Variants in UCHL5 observed in about 807,000 individuals in gnomAD.
UCHL5 encodes ubiquitin carboxyl-terminal hydrolase isozyme L5.
In UCHL5, 34 loss-of-function variants were observed where a neutral mutation model predicts 53.8. That is an observed-to-expected ratio of 0.63 (90% CI 0.48 to 0.84). The LOEUF (loss-of-function observed/expected upper bound fraction) is 0.84, where lower values mean the gene tolerates loss of function less well. Among genes scored for constraint, UCHL5 ranks in the 40% least tolerant of loss-of-function variants. The pLI is 0.00. For synonymous variants in UCHL5, 111 were observed against 126.3 expected (o/e 0.88, Z 0.81); for missense variants, 290 against 385.6 (o/e 0.75, Z 2.08).
At chr1:193,035,049 T>G (rs1003259242) in intron 3 of UCHL5, among the ~76,000 whole-genome samples, 1 of 151,176 alleles carries the variant, frequency 6.6e-6, no homozygotes, top group African/African-American at 2.4e-5. Context: ...ACAAGAAAAA[T>G]AAATTAGAGT....
intron 10 of UCHL5, among the ~76,000 whole-genome samples, chr1:193,016,686 A>G (rs893759856): frequency 3.3e-5 from 5 of 151,864 alleles, no homozygotes; most frequent in African/African-American, 1.2e-4. Flanking sequence ...CATAAAGTCA[A>G]ACTCATTCAT....
chr1:193,046,028 T>C (rs1246707980), intron 3 of UCHL5, among the ~76,000 whole-genome samples: 2 of 152,096 alleles, frequency 1.3e-5, no homozygotes, highest in African/African-American at 2.4e-5. Flanking sequence ...AAATGGACTA[T>C]TTGGATTTTT....
chr1:193,019,835 A>T (rs999183848), intron 10 of UCHL5: 105 of 945,794 alleles, frequency 1.1e-4, no homozygotes, highest in Non-Finnish European at 1.2e-4. Context: ...CAAAATTTAT[A>T]CATTTAATAT....
rs760499502 is a variant in UCHL5 at position 193,015,940 on chromosome 1, ATAC to A, written c.*408_*410del. 1.9e-4 allele frequency: 31 copies of A among 161,390 alleles called. No individual in the cohort carries two copies. Among genetic ancestry groups the A allele is most frequent in the Non-Finnish European group, 2.3e-4 (17 of 74,338 alleles). 10.0% of individuals were successfully genotyped at this position (161,390 alleles called of 1,614,324 possible). Reference sequence around the variant, plus strand: ...AAACACTTAGATATCAAAGATAGAAATACTGATTTTTTTTCCGTTAATGATGAG... The same window carrying A: ...AAACACTTAGATATCAAAGATAGAAATGATTTTTTTTCCGTTAATGATGAG... On this transcript the variant is annotated 3_prime_UTR_variant, in exon 11 of 11. Transcript: ENST00000367454.
intron 3 of UCHL5, among the ~76,000 whole-genome samples, chr1:193,034,379 C>T (rs1180823640): frequency 6.6e-6 from 1 of 151,826 alleles, no homozygotes; most frequent in African/African-American, 2.4e-5. Context: ...TAAAAAAATA[C>T]ATCTTACCAG....
chr1:193,027,797 A>G, intron 7 of UCHL5: 1 of 766,996 alleles, frequency 1.3e-6, no homozygotes, highest in Non-Finnish European at 2.0e-6. Flanking sequence ...GATTTTCTGA[A>G]ATAGACTTCT....
At chr1:193,027,918 T>A in intron 7 of UCHL5, 167 bp downstream of exon 7, 1 of 1,472,784 alleles carries the variant, frequency 6.8e-7, no homozygotes, top group Non-Finnish European at 9.0e-7. Context: ...AGCTCAGGAG[T>A]CTGAGACCAG....
At chr1:193,045,182 A>G (rs1005231120) in intron 3 of UCHL5, among the ~76,000 whole-genome samples, 1 of 152,180 alleles carries the variant, frequency 6.6e-6, no homozygotes, top group African/African-American at 2.4e-5. Context: ...GTCTGCATTT[A>G]TTGGATACCT....
chr1:193,053,093 G>C (rs1224885700), intron 1 of UCHL5, among the ~76,000 whole-genome samples: 1 of 152,158 alleles, frequency 6.6e-6, no homozygotes, highest in Non-Finnish European at 1.5e-5. Flanking sequence ...TGTACAAAGA[G>C]AGTTACTACA....
chr1:193,014,614 T>C lies in UCHL5; in HGVS notation c.*1737A>G, dbSNP rs1395898378. ...TTTAGGTCTATGATTCATCTCAAAGTCATTTTTGTGAGGTAGGGGGTCATT... is the reference window on the plus strand; with the variant it reads ...TTTAGGTCTATGATTCATCTCAAAGCCATTTTTGTGAGGTAGGGGGTCATT... On this transcript the variant is annotated 3_prime_UTR_variant, in exon 11 of 11. Coordinates refer to ENST00000367454, the MANE Select transcript of UCHL5 (RefSeq NM_001199261.3). 6.6e-6 allele frequency: 1 copy of C among 152,172 alleles called. No homozygotes were observed. The highest frequency in any genetic ancestry group is 1.5e-5 in the Non-Finnish European group (1 of 67,996). The allele number at this position is 152,172 out of a possible 1,614,324, so 9.4% of individuals were successfully genotyped here. A position where few individuals can be genotyped will look rare whatever the true frequency, so the allele number is the denominator to read the frequency against.
rs1264023689 is a variant in UCHL5 at position 193,014,594 on chromosome 1, G to C, written c.*1757C>G. 2 of 151,992 alleles carry C rather than the reference G, an allele frequency of 1.3e-5. No individual in the cohort carries two copies. The allele number at this position is 151,992 out of a possible 1,614,324, so 9.4% of individuals were successfully genotyped here. On this transcript the variant is annotated 3_prime_UTR_variant, in exon 11 of 11. Coordinates refer to ENST00000367454, the MANE Select transcript of UCHL5 (RefSeq NM_001199261.3). ...CATACTTTTAAAATATTACATTTAG[G>C]TCTATGATTCATCTCAAAGTCATTT... is the stretch of plus-strand genomic sequence containing the variant.
rs550984996 is a variant in UCHL5, at chr1:193,033,249, C to A, written c.247-3592G>T. Among the ~76,000 whole-genome samples, 7 of 152,168 alleles carry A rather than the reference C, an allele frequency of 4.6e-5. No homozygotes were observed. The East Asian group carries it at 1.4e-3, about 29-fold the overall frequency. ...GCAAGGACATGGATGAAACTGGAAACCATCATTCTCAGCAAACTAACACAG... is the reference window on the plus strand; with the variant it reads ...GCAAGGACATGGATGAAACTGGAAAACATCATTCTCAGCAAACTAACACAG... On this transcript the variant is annotated intron_variant, in intron 3 of 10. Transcript: ENST00000367454.
At chr1:193,023,076 T>C (rs746320973) in intron 8 of UCHL5, 40 bp from the exon 9 acceptor site, 2 of 1,361,502 alleles carry the variant, frequency 1.5e-6, no homozygotes, top group Non-Finnish European at 2.1e-6. Flanking sequence ...ACCCTAATAA[T>C]TGAGGCTTAC....
At chr1:193,026,765 A>G (rs1244203763) in intron 7 of UCHL5, among the ~76,000 whole-genome samples, 4 of 152,306 alleles carry the variant, frequency 2.6e-5, no homozygotes, top group Non-Finnish European at 2.9e-5. Flanking sequence ...TCCCAGAGAA[A>G]TGAAAACTTG....
At chr1:193,050,559 C>A (rs1668681781) in intron 2 of UCHL5, among the ~76,000 whole-genome samples, 1 of 151,820 alleles carries the variant, frequency 6.6e-6, no homozygotes, top group Admixed American at 6.6e-5. Context: ...ATAGTGAAAC[C>A]ACATCTCTAC....
chr1:193,036,223 A>T (rs1663328125), intron 3 of UCHL5, among the ~76,000 whole-genome samples: 1 of 151,222 alleles, frequency 6.6e-6, no homozygotes, highest in Non-Finnish European at 1.5e-5. Context: ...ATAAAACCCC[A>T]TAATATGGTG....
chr1:193,052,474 C>T (rs921230056), intron 1 of UCHL5, among the ~76,000 whole-genome samples: 8 of 152,178 alleles, frequency 5.3e-5, no homozygotes, highest in Admixed American at 5.2e-4. Flanking sequence ...AGATATCCTA[C>T]GTTGCACAGG....
chr1:193,059,664 T>A (rs774552709), upstream of UCHL5: 1 of 1,376,932 alleles, frequency 7.3e-7, no homozygotes, highest in Admixed American at 1.9e-5. This position sits in a 1 kb window ranked among gnomAD's most constrained non-coding sequence, Gnocchi z 4.9. Context: ...GGGCTGTTGC[T>A]GTTGCTGTGG....
intron 2 of UCHL5, among the ~76,000 whole-genome samples, 199 bp downstream of exon 2, chr1:193,051,555 G>T (rs1480819440): frequency 6.7e-6 from 1 of 150,052 alleles, no homozygotes; most frequent in Non-Finnish European, 1.5e-5. Flanking sequence ...TGACTCCCTT[G>T]CAAGTTACCT....
Sources: allele counts gnomAD v4.1 joint callset (sites outside exome capture counted in the v4.1 genomes callset), GRCh38; gene constraint gnomAD v4.1.1; non-coding constraint Gnocchi (gnomAD v3.1); transcripts MANE v1.5; gene names NCBI Gene and HGNC (gene_info 2026-07-23, HGNC 2026-07-21).